SUSD1: variants seen among roughly 807,000 people sequenced by gnomAD.
The protein encoded by SUSD1 is sushi domain-containing protein 1.
SUSD1 carries 65 observed loss-of-function variants against 86.9 expected under a neutral mutation model. The observed-to-expected ratio is 0.75, with a 90% CI of 0.61 to 0.92. SUSD1 has a LOEUF of 0.92. SUSD1 is among the 40% of genes least tolerant of loss of function. SUSD1 has a pLI of 0.00. For missense variants in SUSD1, 850 were observed against 929.7 expected (o/e 0.91, Z 1.11); for synonymous variants, 346 against 350.0 (o/e 0.99, Z 0.13).
chr9:112,051,115 T>A (rs1828172130), intron 15 of SUSD1, among the ~76,000 whole-genome samples: 1 of 152,224 alleles, frequency 6.6e-6, no homozygotes. Context: ...GTACATTGCT[T>A]TATCTTTTCC....
chr9:112,133,256 C>A (rs1832108600), intron 5 of SUSD1, among the ~76,000 whole-genome samples: 1 of 152,166 alleles, frequency 6.6e-6, no homozygotes, highest in Admixed American at 6.5e-5. Flanking sequence ...CCCTGGGCAA[C>A]CTCATGTCTG....
intron 5 of SUSD1, among the ~76,000 whole-genome samples, chr9:112,138,707 C>T (rs1393393173): frequency 6.6e-6 from 1 of 152,128 alleles, no homozygotes; most frequent in East Asian, 1.9e-4. Flanking sequence ...CTTGGCCTCC[C>T]AAAGTGCTGA....
At chr9:112,126,824 C>T (rs1024740830) in intron 5 of SUSD1, among the ~76,000 whole-genome samples, 1 of 152,128 alleles carries the variant, frequency 6.6e-6, no homozygotes, top group African/African-American at 2.4e-5. Context: ...TTTTGGCGCA[C>T]ACCCTCAGCT....
intron 1 of SUSD1, among the ~76,000 whole-genome samples, chr9:112,168,294 G>A (rs10981292): frequency 0.53 from 81,028 of 152,142 alleles, 23,370 homozygotes; most frequent in African/African-American, 0.77. Flanking sequence ...AATCAAGAGC[G>A]GTATCTTTGT....
chr9:112,048,003 T>C (rs1828029811), intron 15 of SUSD1, among the ~76,000 whole-genome samples: 1 of 152,204 alleles, frequency 6.6e-6, no homozygotes, highest in Middle Eastern at 3.2e-3. Flanking sequence ...CCCATTTTCT[T>C]ACTGGCTGCA....
chr9:112,138,223 C>CA (rs1192532172), intron 5 of SUSD1, among the ~76,000 whole-genome samples: 8 of 3,944 alleles, frequency 2.0e-3, no homozygotes, highest in Non-Finnish European at 3.0e-3. Flanking sequence ...GACTCCATCT[C>CA]AAAAAAAAAA....
chr9:112,163,582 G>A (rs1171151326), intron 1 of SUSD1, among the ~76,000 whole-genome samples: 1 of 152,026 alleles, frequency 6.6e-6, no homozygotes, highest in Non-Finnish European at 1.5e-5. Context: ...AGGCTGCAGT[G>A]TGCTTTGATT....
At chr9:112,098,427 T>C in intron 10 of SUSD1, 43 bp downstream of exon 10, 1 of 1,593,414 alleles carries the variant, frequency 6.3e-7, no homozygotes, top group Non-Finnish European at 8.6e-7. Flanking sequence ...TTCACATAGG[T>C]AATTTGTCCT....
At chr9:112,158,181 C>T (rs932794240) in intron 1 of SUSD1, among the ~76,000 whole-genome samples, 6 of 151,966 alleles carry the variant, frequency 3.9e-5, no homozygotes, top group African/African-American at 7.2e-5. Flanking sequence ...TCATTGTTTC[C>T]GAGCCCCAAC....
At chr9:112,061,726 A>G (rs1828734939) in intron 13 of SUSD1, among the ~76,000 whole-genome samples, 1 of 152,214 alleles carries the variant, frequency 6.6e-6, no homozygotes, top group Non-Finnish European at 1.5e-5. Flanking sequence ...AATGAATATA[A>G]AAGCAGGAAA....
At chr9:112,159,885 ATTAGTGGT>A (rs1564352014) in intron 1 of SUSD1, among the ~76,000 whole-genome samples, 1 of 152,184 alleles carries the variant, frequency 6.6e-6, no homozygotes, top group African/African-American at 2.4e-5. Flanking sequence ...CCTAGTGATA[ATTAGTGGT>A]TTTTCTCATT....
chr9:112,163,991 ACT>A (rs763155219), intron 1 of SUSD1, among the ~76,000 whole-genome samples: 17 of 151,866 alleles, frequency 1.1e-4, no homozygotes, highest in Non-Finnish European at 2.2e-4. Flanking sequence ...ACAGATCAAG[ACT>A]CTGTCTCAAA....
chr9:112,121,921 A>T (rs1831571441), intron 6 of SUSD1, among the ~76,000 whole-genome samples: 1 of 152,230 alleles, frequency 6.6e-6, no homozygotes, highest in Non-Finnish European at 1.5e-5. Flanking sequence ...CACGCTTCTG[A>T]TTCATGAGAA....
intron 3 of SUSD1, among the ~76,000 whole-genome samples, chr9:112,144,421 A>C (rs1386956641): frequency 1.3e-5 from 2 of 152,096 alleles, no homozygotes; most frequent in African/African-American, 4.8e-5. Flanking sequence ...CACTATAAAT[A>C]TACCCAATCA....
chr9:112,155,443 C>G (rs142455286), intron 2 of SUSD1, among the ~76,000 whole-genome samples: 32 of 152,228 alleles, frequency 2.1e-4, no homozygotes, highest in African/African-American at 7.7e-4. Context: ...GGTAGCCAAA[C>G]TTCTCATGGG....
Position 112,041,873 on chromosome 9 carries a change from G to A in SUSD1, c.2237C>T (p.Ala746Val), listed in dbSNP as rs528900445. The part of the protein sequence containing the change: ...VIILTFLSFS[A>V]V The stretch of plus-strand genomic sequence containing the variant: ...AAATGACACCCTCACATACCACACC[G>A]CTGAGAAGGAGAGGAATGTGAGAAT... Residue 746 changes from alanine to valine, a missense_variant, in exon 16 of 17, where the codon GCG becomes GTG. Transcript: ENST00000374270. 49 of 1,613,262 alleles carry A rather than the reference G, an allele frequency of 3.0e-5. No individual in the cohort carries two copies. The East Asian group carries it at 3.6e-4, about 12-fold the overall frequency.
In SUSD1 at chr9:112,067,821, C is replaced by T. The variant is rs140061978; in HGVS notation, c.1754-4788G>A. Among the ~76,000 whole-genome samples the T allele has an allele frequency of 2.8e-3, 432 of 152,206 alleles. 2 individuals are homozygous for T. The highest frequency in any genetic ancestry group is 9.8e-3 in the African/African-American group (408 of 41,516). ...ATGAATGCCTCCCCCCCAATCCCCC[C>T]ACCCTAGCCCTAAACCCTGCCACTG... On this transcript the variant is annotated intron_variant, in intron 12 of 16. Coordinates refer to ENST00000374270, the MANE Select transcript of SUSD1 (RefSeq NM_022486.5).
At chr9:112,127,094 G>A (rs771257833) in intron 5 of SUSD1, among the ~76,000 whole-genome samples, 2 of 152,122 alleles carry the variant, frequency 1.3e-5, no homozygotes, top group African/African-American at 2.4e-5. Context: ...AAAGTTGGCC[G>A]GGCACAGAGG....
chr9:112,139,675 A>C (rs911913182), intron 5 of SUSD1, among the ~76,000 whole-genome samples: 3 of 151,992 alleles, frequency 2.0e-5, no homozygotes, highest in African/African-American at 7.2e-5. Context: ...GGAATTACAG[A>C]CATGAGCCAC....
Sources: allele counts gnomAD v4.1 joint callset (sites outside exome capture counted in the v4.1 genomes callset), GRCh38; gene constraint gnomAD v4.1.1; transcripts MANE v1.5; gene names NCBI Gene and HGNC (gene_info 2026-07-23, HGNC 2026-07-21).